GLIS3: variants seen among roughly 807,000 people sequenced by gnomAD.
GLIS3 encodes GLIS family zinc finger 3, also known as zinc finger protein GLIS3.
In GLIS3, 53 loss-of-function variants were observed where a neutral mutation model predicts 78.6. The ratio of observed to expected loss-of-function variants is 0.67; its 90% CI spans 0.54 to 0.85. The LOEUF is 0.85. GLIS3 is among the 40% of genes least tolerant of loss of function. GLIS3 has a pLI of 0.00. For missense variants in GLIS3, 1,703 were observed against 1,231.1 expected, an observed-to-expected ratio of 1.38 and a Z score of -5.74; for synonymous variants, 684 against 509.9, an observed-to-expected ratio of 1.34 and a Z score of -4.60.
At chr9:4,350,099 A>G (rs1459016628), upstream of GLIS3, among the ~76,000 whole-genome samples, 1 of 152,250 alleles carries the variant, frequency 6.6e-6, no homozygotes, top group Admixed American at 6.5e-5. Flanking sequence ...TGATAGCAGC[A>G]TAGTGAGAAG....
intron 4 of GLIS3, among the ~76,000 whole-genome samples, chr9:4,114,343 G>GAT (rs1204411696): frequency 6.6e-6 from 1 of 152,146 alleles, no homozygotes; most frequent in African/African-American, 2.4e-5. Flanking sequence ...TATTGTTAGG[G>GAT]ATGATTAGTG....
Position 4,286,643 on chromosome 9 carries a change from T to C in GLIS3, c.-98-120A>G. On this transcript the variant is annotated intron_variant, in intron 1 of 10. Transcript: ENST00000381971. ...AAGCAGCACTCTTAGCAAGATGGCC[T>C]TTTATGTAGAAAAGGGTCCTCAAAT... 3 of 607,958 alleles carry C rather than the reference T, an allele frequency of 4.9e-6. No individual in the cohort carries two copies. The South Asian group carries it at 5.8e-5, about 12-fold the overall frequency. 37.7% of individuals were successfully genotyped at this position (607,958 alleles called of 1,614,324 possible). A position where few individuals can be genotyped will look rare whatever the true frequency, so the allele number is the denominator to read the frequency against.
At chr9:4,358,147 T>C in the GLIS3 span, among the ~76,000 whole-genome samples, 40 of 152,288 alleles carry the variant, frequency 2.6e-4, no homozygotes, top group African/African-American at 7.2e-4. Context: ...TATGTATATA[T>C]GTGTATGTGT....
intron 6 of GLIS3, among the ~76,000 whole-genome samples, chr9:3,925,643 C>G (rs1028044578): frequency 6.6e-6 from 1 of 152,044 alleles, no homozygotes; most frequent in Non-Finnish European, 1.5e-5. Flanking sequence ...TGTGATGAGA[C>G]GGAATCCTCT....
intron 4 of GLIS3, among the ~76,000 whole-genome samples, chr9:4,022,281 C>T (rs1399040356): frequency 2.0e-5 from 3 of 152,192 alleles, no homozygotes. Context: ...ATCTCAGGTC[C>T]TGCGCTTGGT....
intron 2 of GLIS3, 68 bp from the exon 3 acceptor site, chr9:4,126,009 G>A: frequency 1.7e-6 from 2 of 1,211,814 alleles, no homozygotes. Context: ...ACAGACATGT[G>A]CACGCTTATA....
intron 2 of GLIS3, among the ~76,000 whole-genome samples, chr9:4,175,289 G>C (rs1223188839): frequency 1.3e-5 from 2 of 152,212 alleles, no homozygotes; most frequent in African/African-American, 2.4e-5. Context: ...TGAAGGATTT[G>C]ACAGCAGTTT....
At chr9:4,159,545 C>G (rs567430393) in intron 2 of GLIS3, among the ~76,000 whole-genome samples, 2 of 151,988 alleles carry the variant, frequency 1.3e-5, no homozygotes, top group Non-Finnish European at 2.9e-5. Context: ...ACGGTGAAAC[C>G]CCGTCTCTAC....
upstream of GLIS3, among the ~76,000 whole-genome samples, chr9:4,302,665 C>CA (rs1441081147): frequency 6.6e-6 from 1 of 152,206 alleles, no homozygotes; most frequent in Non-Finnish European, 1.5e-5. Context: ...GAGTCAGAGA[C>CA]AGAGCCAAGT....
chr9:3,838,946 A>T (rs1251335371), intron 9 of GLIS3, among the ~76,000 whole-genome samples: 2 of 152,212 alleles, frequency 1.3e-5, no homozygotes, highest in Admixed American at 6.5e-5. Flanking sequence ...AAGCTCCTAG[A>T]GGGCATAAGA....
At chr9:4,204,298 A>T (rs1819655138) in intron 2 of GLIS3, among the ~76,000 whole-genome samples, 1 of 152,186 alleles carries the variant, frequency 6.6e-6, no homozygotes, top group Non-Finnish European at 1.5e-5. Context: ...ACACATCCCA[A>T]TGCCTTCTAG....
intron 6 of GLIS3, among the ~76,000 whole-genome samples, chr9:3,929,398 G>C (rs1184856924): frequency 6.6e-6 from 1 of 151,952 alleles, no homozygotes; most frequent in African/African-American, 2.4e-5. Flanking sequence ...TGGGATTTCA[G>C]GTTTTTCTTG....
chr9:4,485,602 A>C, the GLIS3 span, among the ~76,000 whole-genome samples: 1 of 152,286 alleles, frequency 6.6e-6, no homozygotes, highest in South Asian at 2.1e-4. Context: ...GCATTAATTA[A>C]GCTCCATCTT....
rs542193281 is a variant in GLIS3 at position 4,207,793 on chromosome 9, C to T, written c.388+78245G>A. On this transcript the variant is annotated intron_variant, in intron 2 of 10. Transcript: ENST00000381971. ...CCTGGCCCTGGGCTTGCATCCTTAA[C>T]CATTACACCTCACTTCCTCCAAACA... Among the ~76,000 whole-genome samples the T allele has an allele frequency of 2.0e-5, 3 of 152,252 alleles. No homozygotes were observed. The South Asian group carries it at 6.2e-4, about 32-fold the overall frequency.
intron 2 of GLIS3, among the ~76,000 whole-genome samples, chr9:4,145,641 TCA>T (rs939189788): frequency 1.3e-5 from 2 of 152,050 alleles, no homozygotes; most frequent in African/African-American, 4.8e-5. Context: ...AGTCTCCAAG[TCA>T]CATCAGTGCC....
chr9:4,173,898 C>T (rs187635321), intron 2 of GLIS3, among the ~76,000 whole-genome samples: 10 of 147,342 alleles, frequency 6.8e-5, no homozygotes, highest in Non-Finnish European at 3.0e-5. Flanking sequence ...AATCCTAGTC[C>T]GAGTACCCAG....
intron 2 of GLIS3, 124 bp from the exon 3 acceptor site, chr9:4,126,065 A>G: frequency 2.8e-6 from 2 of 722,958 alleles, no homozygotes; most frequent in Non-Finnish European, 2.4e-6. Context: ...TTTTTTTTTT[A>G]GTATTGGTGA....
chr9:4,102,109 C>T (rs2130803823), intron 4 of GLIS3, among the ~76,000 whole-genome samples: 1 of 152,270 alleles, frequency 6.6e-6, no homozygotes, highest in Admixed American at 6.5e-5. Flanking sequence ...GTTTCTCCAC[C>T]AGAAGAAGAT....
At chr9:4,465,409 C>G in the GLIS3 span, among the ~76,000 whole-genome samples, 1 of 152,122 alleles carries the variant, frequency 6.6e-6, no homozygotes, top group African/African-American at 2.4e-5. Flanking sequence ...ATTAGCCATG[C>G]ATGGTGACAC....
Sources: allele counts gnomAD v4.1 joint callset (sites outside exome capture counted in the v4.1 genomes callset), GRCh38; gene constraint gnomAD v4.1.1; transcripts MANE v1.5; gene names NCBI Gene and HGNC (gene_info 2026-07-23, HGNC 2026-07-21).